The following HIP1R variants were observed in gnomAD, a reference collection of about 807,000 sequenced individuals.
HIP1R encodes the protein huntingtin interacting protein 1 related.
A neutral mutation model predicts 144.2 loss-of-function variants in HIP1R; 135 were observed. That is an observed-to-expected ratio of 0.94 (90% confidence interval 0.81 to 1.08). The LOEUF (loss-of-function observed/expected upper bound fraction) is 1.08. Ranked by LOEUF, HIP1R falls within the 50% of genes least tolerant of loss-of-function variation. The probability of loss-of-function intolerance (pLI) is 0.00; values close to 1 mark genes in which losing one functional copy is unlikely to be tolerated. For missense variants in HIP1R, 1,462 were observed against 1,432.8 expected (o/e 1.02, Z -0.33); for synonymous variants, 698 against 612.8 (o/e 1.14, Z -2.05).
Position 122,860,072 on chromosome 12 carries a change from A to G in HIP1R, c.2491A>G (p.Met831Val), listed in dbSNP as rs2033721981. 6.4e-7 allele frequency: 1 copy of G among 1,574,688 alleles called. No individual in the cohort carries two copies. Residue 831 changes from methionine to valine, a missense_variant, in exon 25 of 32, where the codon ATG (methionine) becomes GTG (valine). Met to Val is a conservative substitution (Grantham distance 21). This residue lies in a region of HIP1R where 1,112 missense variants were observed against 1,011.7 expected (regional missense o/e 1.10). Coordinates refer to ENST00000253083, the MANE Select transcript of HIP1R (RefSeq NM_003959.3). The stretch of plus-strand genomic sequence containing the variant: ...GATCCTCAACTCCTGCACAGACCTG[A>G]TGAAGGTGAGGGGCTGTGACCCGGG... ...ERILNSCTDL[M>V]KAIRLLVTTS... is the part of the protein sequence containing the mutation.
At chr12:122,835,665 G>GT (rs2032865394) in intron 1 of HIP1R, 22 bp downstream of exon 1, 1 of 1,117,226 alleles carries the variant, frequency 9.0e-7, no homozygotes. Context: ...GCGGGCGGCG[G>GT]GCGGCGGGCG....
At chr12:122,858,735 T>C in intron 20 of HIP1R, 103 bp from the exon 21 acceptor site, 1 of 857,386 alleles carries the variant, frequency 1.2e-6, no homozygotes, top group Non-Finnish European at 2.0e-6. Flanking sequence ...AGCCCTCCTT[T>C]CCTCTTCCTC....
chr12:122,848,405 C>A lies in HIP1R; in HGVS notation c.158-61C>A, dbSNP rs1322918842. Reference sequence around the variant, plus strand: ...TTCCGGCGGCCCTGGCCTCTCTCAGCCGGGTTTGCTGAGCCCCCGTGCTCC... The same window carrying A: ...TTCCGGCGGCCCTGGCCTCTCTCAGACGGGTTTGCTGAGCCCCCGTGCTCC... On this transcript the variant is annotated intron_variant, in intron 2 of 31. Transcript: ENST00000253083. 16 of 1,554,876 alleles carry A rather than the reference C, an allele frequency of 1.0e-5. No individual in the cohort carries two copies. The East Asian group carries it at 3.2e-4, about 31-fold the overall frequency.
chr12:122,847,403 C>T (rs1174347688), intron 1 of HIP1R, among the ~76,000 whole-genome samples: 1 of 152,190 alleles, frequency 6.6e-6, no homozygotes, highest in Non-Finnish European at 1.5e-5. Context: ...CTCCGGGTGA[C>T]AGCTGCAGAC....
intron 20 of HIP1R, 38 bp from the exon 21 acceptor site, chr12:122,858,800 T>C: frequency 1.4e-6 from 2 of 1,409,634 alleles, no homozygotes; most frequent in African/African-American, 1.4e-5. Flanking sequence ...TGTCTCAGTG[T>C]CATCCTCCCC....
upstream of HIP1R, chr12:122,835,355 G>A (rs1180267052): frequency 1.5e-5 from 15 of 1,028,414 alleles, 1 homozygote; most frequent in Admixed American, 7.6e-4. Flanking sequence ...GGCGTTTGCG[G>A]GCGCGGGGGG....
At position 122,858,205 on chromosome 12, in the gene HIP1R, G is replaced by T; in HGVS notation, c.1919G>T (p.Ser640Ile). The T allele has an allele frequency of 6.2e-7, 1 of 1,608,386 alleles. No individual in the cohort carries two copies. ...EAAGILQDAV[S>I]KLDDPLHLRC... ...GCGGGCATCCTGCAGGATGCCGTGA[G>T]CAAGCTGGACGACCCCCTGCACCTG... The change falls in exon 19 of 32, where the codon AGC (serine) becomes ATC (isoleucine). Residue 640 changes from serine (S) to isoleucine (I), a missense_variant. This residue lies in a region of HIP1R where 1,112 missense variants were observed against 1,011.7 expected (regional missense o/e 1.10). Coordinates refer to ENST00000253083, the MANE Select transcript of HIP1R (RefSeq NM_003959.3).
In HIP1R at chr12:122,850,950, G is replaced by A. The variant is rs374823856; in HGVS notation, c.515+39G>A. On this transcript the variant is annotated intron_variant, in intron 6 of 31. Transcript: ENST00000253083. ...CATGGCTACATAGCCAGTTCCCCTC[G>A]GCTTCCCCATTCCTTCCTACCGCGT... 2.4e-4 allele frequency: 368 copies of A among 1,564,760 alleles called. 1 individual carries two copies. Among genetic ancestry groups the A allele is most frequent in the Non-Finnish European group, 2.3e-4 (260 of 1,142,466 alleles).
chr12:122,854,064 C>A lies in HIP1R; in HGVS notation c.599C>A (p.Ala200Asp), dbSNP rs2033480721. The stretch of plus-strand genomic sequence containing the variant: ...ACAGTTTTCCGACAGCTCAACACGG[C>A]CATCGCCGTATCCCAGATGTCCTCA... ...SESVFRQLNT[A>D]IAVSQMSSGQ... The change falls in exon 8 of 32, where the codon GCC becomes GAC. Residue 200 changes from alanine (A) to aspartate (D), a missense_variant. This residue lies in a region of HIP1R where 350 missense variants were observed against 421.1 expected (regional missense o/e 0.83). Coordinates refer to ENST00000253083, the MANE Select transcript of HIP1R (RefSeq NM_003959.3). 2 of 1,613,632 alleles carry A rather than the reference C, an allele frequency of 1.2e-6. No homozygotes were observed. The highest frequency in any genetic ancestry group is 1.3e-5 in the African/African-American group (1 of 74,918).
intron 11 of HIP1R, 63 bp from the exon 12 acceptor site, chr12:122,855,488 C>T (rs547158347): frequency 9.5e-5 from 147 of 1,548,236 alleles, no homozygotes; most frequent in Admixed American, 8.8e-4. Flanking sequence ...CCAGCCCTCC[C>T]TTTGCCCACT....
At position 122,859,094 on chromosome 12, in the gene HIP1R, G is replaced by A. The variant is rs771199833; in HGVS notation, c.2192G>A (p.Arg731Gln). 2.5e-5 allele frequency: 40 copies of A among 1,602,540 alleles called. No homozygotes were observed. The highest frequency in any genetic ancestry group is 1.6e-4 in the Middle Eastern group (1 of 6,064). ...LIDTCRECGA[R>Q]ALELMGQLQD... ...GACACCTGCAGGGAGTGCGGGGCCC[G>A]GGCTCTGGAGCTCATGGGGCAGCTG... The change falls in exon 22 of 32, where the codon CGG (arginine) becomes CAG (glutamine). Residue 731 changes from arginine (R) to glutamine (Q), a missense_variant. This residue lies in a region of HIP1R where 1,112 missense variants were observed against 1,011.7 expected (regional missense o/e 1.10). Coordinates refer to ENST00000253083, the MANE Select transcript of HIP1R (RefSeq NM_003959.3).
chr12:122,839,799 C>A (rs2033005900), intron 1 of HIP1R, among the ~76,000 whole-genome samples: 1 of 152,210 alleles, frequency 6.6e-6, no homozygotes, highest in Non-Finnish European at 1.5e-5. Flanking sequence ...AATTTACATT[C>A]TTTTTCTCCT....
intron 1 of HIP1R, among the ~76,000 whole-genome samples, chr12:122,842,077 CT>C (rs1458720857): frequency 6.6e-6 from 1 of 152,202 alleles, no homozygotes; most frequent in African/African-American, 2.4e-5. Context: ...GCCTCCTCAG[CT>C]ACAGAAACCC....
chr12:122,859,916 G>A (rs764149821), intron 24 of HIP1R, 86 bp downstream of exon 24: 45 of 1,481,992 alleles, frequency 3.0e-5, no homozygotes, highest in South Asian at 7.6e-5. Context: ...TTCTGCTCAC[G>A]GGAAAGGAAG....
intron 1 of HIP1R, among the ~76,000 whole-genome samples, chr12:122,846,343 C>A (rs2033211055): frequency 6.6e-6 from 1 of 152,230 alleles, no homozygotes; most frequent in South Asian, 2.1e-4. Flanking sequence ...GCCTCAGTTT[C>A]CTCACCAGGA....
At chr12:122,856,818 G>A in intron 17 of HIP1R, 92 bp downstream of exon 17, 1 of 1,172,056 alleles carries the variant, frequency 8.5e-7, no homozygotes, top group South Asian at 1.4e-5. Context: ...CCCCACCTGG[G>A]TGCCACTCGG....
In HIP1R at chr12:122,848,814, C is replaced by T. The variant is rs530896606; in HGVS notation, c.319C>T (p.Arg107Trp). Reference sequence around the variant, plus strand: ...GCTGCAGGTGCTGCATGACTGCCAGCGGTACCGCAGCAACATCCGGGAGAT... The same window carrying T: ...GCTGCAGGTGCTGCATGACTGCCAGTGGTACCGCAGCAACATCCGGGAGAT... Reference protein sequence around the residue: ...GHPNVLHDCQRYRSNIREIGD... With the variant: ...GHPNVLHDCQWYRSNIREIGD... Residue 107 changes from arginine (R) to tryptophan (W), a missense_variant, in exon 4 of 32, where the codon CGG becomes TGG. By Grantham distance (101) the Arg-to-Trp change is moderately radical. Around this residue, in one of 2 missense-constraint regions of HIP1R, gnomAD observed 350 missense variants for 421.1 expected, o/e 0.83. Transcript: ENST00000253083. 54 of 1,613,242 alleles carry T rather than the reference C, an allele frequency of 3.3e-5. No homozygotes were observed. Among genetic ancestry groups the T allele is most frequent in the South Asian group, 9.9e-5 (9 of 91,092 alleles).
At position 122,861,508 on chromosome 12, in the gene HIP1R, C is replaced by T; in HGVS notation, c.3153C>T (p.Asp1051=). ...AQKPSVAPRQ[D]HQLDKKDGIY... is the part of the protein sequence containing the mutation. The stretch of plus-strand genomic sequence containing the variant: ...AGCCCAGCGTGGCCCCCAGACAGGA[C>T]CACCAGGTGCCGTCTGCACTGGGAT... Residue 1051 remains aspartate, a synonymous_variant, in exon 31 of 32, where the codon GAC becomes GAT. Coordinates refer to ENST00000253083, the MANE Select transcript of HIP1R (RefSeq NM_003959.3). 6.2e-7 allele frequency: 1 copy of T among 1,610,144 alleles called. No individual in the cohort carries two copies.
rs1325988265 is a variant in HIP1R at position 122,856,356 on chromosome 12, C to T, written c.1401+12C>T. 1 of 1,613,202 alleles carries T rather than the reference C, an allele frequency of 6.2e-7. No individual in the cohort carries two copies. Among genetic ancestry groups the T allele is most frequent in the Non-Finnish European group, 8.5e-7 (1 of 1,179,776 alleles). On this transcript the variant is annotated intron_variant, in intron 15 of 31. Transcript: ENST00000253083. ...AGCTGCTCAGAAAGGTAGGTGCAGC[C>T]CATCCTCCATCCCAGCCGGTGGCAG... is the stretch of plus-strand genomic sequence containing the variant.
Sources: gnomAD v4.1 joint callset for allele counts (sites outside exome capture counted in the v4.1 genomes callset) on GRCh38, gnomAD v4.1.1 for gene constraint, gnomAD v4.1.1 regional missense constraint, MANE v1.5 for transcripts, NCBI Gene and HGNC (gene_info 2026-07-23, HGNC 2026-07-21) for gene names.